SGCG: variants seen among roughly 807,000 people sequenced by gnomAD.
SGCG encodes sarcoglycan gamma, also known as gamma-sarcoglycan.
Under a neutral mutation model 29.3 loss-of-function variants are expected in SGCG, and 26 were observed. The observed-to-expected ratio is 0.89, with a 90% CI of 0.65 to 1.23. The LOEUF (loss-of-function observed/expected upper bound fraction) is 1.23, where lower values mean the gene tolerates loss of function less well. Among genes scored for constraint, SGCG ranks in the 50% most tolerant of loss-of-function variants. The probability of loss-of-function intolerance (pLI) is 0.00; values close to 1 mark genes in which losing one functional copy is unlikely to be tolerated. For synonymous variants in SGCG, 145 were observed against 129.7 expected, an observed-to-expected ratio of 1.12 and a Z score of -0.80; for missense variants, 353 against 356.0, an observed-to-expected ratio of 0.99 and a Z score of 0.07.
chr13:23,209,857 A>C (rs568282745), intron 2 of SGCG, among the ~76,000 whole-genome samples: 21 of 152,232 alleles, frequency 1.4e-4, no homozygotes, highest in Non-Finnish European at 2.9e-4. Context: ...TTTTGTCATT[A>C]AGCAGTTAGT....
At chr13:23,285,852 G>C (rs1415150053) in intron 5 of SGCG, among the ~76,000 whole-genome samples, 2 of 152,156 alleles carry the variant, frequency 1.3e-5, no homozygotes, top group African/African-American at 4.8e-5. Context: ...GCTTCCCTTG[G>C]CTAGGCGAGG....
intron 2 of SGCG, among the ~76,000 whole-genome samples, chr13:23,223,129 C>T (rs1039889064): frequency 1.3e-4 from 20 of 151,956 alleles, no homozygotes; most frequent in African/African-American, 4.1e-4. Context: ...ATACAAAAAA[C>T]TAGCGGGGTG....
At chr13:23,283,823 C>A (rs7333177) in intron 5 of SGCG, among the ~76,000 whole-genome samples, 65,908 of 152,020 alleles carry the variant, frequency 0.43, 15,123 homozygotes, top group Middle Eastern at 0.65. Flanking sequence ...GTGACAAAAT[C>A]TCTCAGCATT....
intron 6 of SGCG, among the ~76,000 whole-genome samples, chr13:23,319,383 A>G (rs541169373): frequency 2.0e-5 from 3 of 152,270 alleles, no homozygotes; most frequent in African/African-American, 7.2e-5. Context: ...CCCCAGCCTA[A>G]CTTGACCAAT....
chr13:23,302,078 G>A (rs571249), intron 6 of SGCG, among the ~76,000 whole-genome samples: 109,754 of 151,826 alleles, frequency 0.72, 41,559 homozygotes, highest in East Asian at 0.89. Context: ...GATATTTGAT[G>A]CCCACCATCA....
intron 1 of SGCG, among the ~76,000 whole-genome samples, chr13:23,185,171 T>C (rs1024712316): frequency 6.6e-6 from 1 of 152,188 alleles, no homozygotes; most frequent in African/African-American, 2.4e-5. Flanking sequence ...TTAGTGATCC[T>C]GACAACTTTC....
At chr13:23,204,729 G>A (rs536701076) in intron 2 of SGCG, among the ~76,000 whole-genome samples, 9 of 119,950 alleles carry the variant, frequency 7.5e-5, no homozygotes, top group South Asian at 2.6e-4. Context: ...TTTTTGAGAC[G>A]GAGTCTCACT....
intron 1 of SGCG, among the ~76,000 whole-genome samples, chr13:23,184,636 A>G (rs1424615981): frequency 6.6e-6 from 1 of 152,198 alleles, no homozygotes; most frequent in Non-Finnish European, 1.5e-5. Flanking sequence ...CTAGTACATA[A>G]TGAACTGGTT....
At chr13:23,219,237 T>C (rs1183936561) in intron 2 of SGCG, among the ~76,000 whole-genome samples, 4 of 151,900 alleles carry the variant, frequency 2.6e-5, no homozygotes, top group African/African-American at 9.7e-5. Context: ...TTAGTAGAGA[T>C]GGGGTTTCAT....
chr13:23,230,369 TTGGGCAGTATGGCCATTTTAATGATA>T (rs1317898053), intron 2 of SGCG, among the ~76,000 whole-genome samples: 1 of 152,230 alleles, frequency 6.6e-6, no homozygotes, highest in Non-Finnish European at 1.5e-5. Context: ...GTAAATTGCT[TTGGGCAGTATGGCCATTTTAATGATA>T]TTGATTCTTC....
intron 7 of SGCG, among the ~76,000 whole-genome samples, chr13:23,322,812 C>T (rs1257007486): frequency 2.2e-5 from 3 of 135,692 alleles, no homozygotes; most frequent in Admixed American, 8.0e-5. Flanking sequence ...AACGTGGTGC[C>T]GCGGGCAGAG....
chr13:23,274,950 TTTCAG>T (rs1480560471), intron 4 of SGCG, among the ~76,000 whole-genome samples: 1 of 151,986 alleles, frequency 6.6e-6, no homozygotes, highest in Admixed American at 6.5e-5. Flanking sequence ...AATTAGATTT[TTTCAG>T]TTCAGTTAAT....
At position 23,312,076 on chromosome 13, in the gene SGCG, G is replaced by A. The variant is rs572338735; in HGVS notation, c.579-8561G>A. On this transcript the variant is annotated intron_variant, in intron 6 of 7. Transcript: ENST00000218867. ...CCATAATCACCTTCTGTGTCTCTGC[G>A]GACTCTAGCTTCTTCTTTGGCTCCA... Among the ~76,000 whole-genome samples the A allele has an allele frequency of 1.8e-4, 27 of 152,252 alleles. No individual in the cohort carries two copies. In the South Asian group the frequency reaches 4.1e-3, roughly 23 times the overall value.
chr13:23,162,136 A>G, the SGCG span, among the ~76,000 whole-genome samples: 2 of 152,244 alleles, frequency 1.3e-5, no homozygotes, highest in Non-Finnish European at 2.9e-5. Context: ...GATAACCAGG[A>G]TAATAATACT....
chr13:23,242,119 A>G (rs1010637404), intron 3 of SGCG, among the ~76,000 whole-genome samples: 5 of 152,194 alleles, frequency 3.3e-5, no homozygotes, highest in African/African-American at 1.2e-4. Flanking sequence ...CAGACATTCA[A>G]AGAATGGTAA....
intron 4 of SGCG, among the ~76,000 whole-genome samples, chr13:23,257,285 A>G (rs1333834663): frequency 6.6e-6 from 1 of 151,960 alleles, no homozygotes; most frequent in African/African-American, 2.4e-5. Context: ...ATATACTTTA[A>G]TTTCTAGGGT....
upstream of SGCG, among the ~76,000 whole-genome samples, chr13:23,177,144 C>G (rs973512355): frequency 6.6e-6 from 1 of 152,086 alleles, no homozygotes; most frequent in African/African-American, 2.4e-5. Flanking sequence ...ACTGCATGTT[C>G]TCACTCATAT....
chr13:23,323,445 G>C (rs1593114515), intron 7 of SGCG, among the ~76,000 whole-genome samples: 1 of 152,306 alleles, frequency 6.6e-6, no homozygotes, highest in East Asian at 1.9e-4. Flanking sequence ...AAGGATAAGA[G>C]CCACATAACA....
chr13:23,174,103 C>T, the SGCG span, among the ~76,000 whole-genome samples: 2 of 152,178 alleles, frequency 1.3e-5, no homozygotes, highest in Non-Finnish European at 2.9e-5. Flanking sequence ...TCCCAACCCT[C>T]CTTTCTGAAT....
Sources: gnomAD v4.1 joint callset for allele counts (sites outside exome capture counted in the v4.1 genomes callset) on GRCh38, gnomAD v4.1.1 for gene constraint, MANE v1.5 for transcripts, NCBI Gene and HGNC (gene_info 2026-07-23, HGNC 2026-07-21) for gene names.